The following TNIK variants were observed in gnomAD, a reference collection of about 807,000 sequenced individuals.
TNIK encodes TRAF2 and NCK interacting kinase.
In TNIK, 49 loss-of-function variants were observed where a neutral mutation model predicts 191.3. That is an observed-to-expected ratio of 0.26 (90% CI 0.20 to 0.32). The LOEUF is 0.32. Ranked by LOEUF, TNIK falls within the 10% of genes least tolerant of loss-of-function variation. TNIK has a pLI of 1.00. For missense variants in TNIK, 1,155 were observed against 1,702.3 expected (o/e 0.68, Z 5.66); for synonymous variants, 594 against 600.9 (o/e 0.99, Z 0.17).
At chr3:171,146,911 A>AAG (rs1553836474) in intron 12 of TNIK, among the ~76,000 whole-genome samples, 1,929 of 149,884 alleles carry the variant, frequency 0.013, 65 homozygotes, top group African/African-American at 0.046. Flanking sequence ...AAAAAAAAAA[A>AAG]AAGTGACGAA....
chr3:171,169,479 G>A (rs1452400101), intron 9 of TNIK, among the ~76,000 whole-genome samples: 1 of 152,094 alleles, frequency 6.6e-6, no homozygotes, highest in South Asian at 2.1e-4. Context: ...TGTTGACCAG[G>A]CTGGTCTCAA....
intron 1 of TNIK, among the ~76,000 whole-genome samples, chr3:171,374,810 T>C (rs982166961): frequency 6.6e-6 from 1 of 152,240 alleles, no homozygotes; most frequent in African/African-American, 2.4e-5. Context: ...AGGACTTATG[T>C]GTCAGAAACG....
intron 15 of TNIK, among the ~76,000 whole-genome samples, chr3:171,137,968 C>CAAAAAAAAAAA (rs58897378): frequency 5.2e-4 from 62 of 119,362 alleles, no homozygotes; most frequent in Non-Finnish European, 5.9e-4. Context: ...CAAAGATATA[C>CAAAAAAAAAAA]AAAAAAAAAA....
Position 171,460,265 on chromosome 3 carries a change from T to A in TNIK, c.-202A>T. Reference sequence around the variant, plus strand: ...GTCCGCCGGGTCCGGGAGCCCAGCCTGCGCGGATCTCCAAGCCCCGAGCAG... The same window carrying A: ...GTCCGCCGGGTCCGGGAGCCCAGCCAGCGCGGATCTCCAAGCCCCGAGCAG... On this transcript the variant is annotated 5_prime_UTR_variant, in exon 1 of 33. Coordinates refer to ENST00000436636, the MANE Select transcript of TNIK (RefSeq NM_015028.4). The surrounding 1 kb of genome is among the most constrained non-coding windows in gnomAD (Gnocchi z 6.8). 1 of 648,204 alleles carries A rather than the reference T, an allele frequency of 1.5e-6. No individual in the cohort carries two copies. The highest frequency in any genetic ancestry group is 2.6e-6 in the Non-Finnish European group (1 of 378,644). 40.2% of individuals were successfully genotyped at this position (648,204 alleles called of 1,614,324 possible).
At chr3:171,133,676 AAG>A (rs1377568696) in intron 15 of TNIK, among the ~76,000 whole-genome samples, 3 of 152,176 alleles carry the variant, frequency 2.0e-5, no homozygotes, top group Non-Finnish European at 4.4e-5. Context: ...ATTTAATCAT[AAG>A]AGAGATATGC....
In TNIK at chr3:171,128,887, C is replaced by CAAAAA. The variant is rs59293515; in HGVS notation, c.1609-14_1609-10dup. 0.051 allele frequency: 60,486 copies of CAAAAA among 1,195,266 alleles called. 343 individuals carry two copies. The highest frequency in any genetic ancestry group is 0.058 in the African/African-American group (2,815 of 48,550). 74.0% of individuals were successfully genotyped at this position (1,195,266 alleles called of 1,614,324 possible). On this transcript the variant is annotated splice_polypyrimidine_tract_variant and intron_variant, in intron 15 of 32. Transcript: ENST00000436636. ...CTTGACCGTTCTTCTACCTACAACC[C>CAAAAA]AAAAAAAAAAAAAAAAAAAAGACAG...
chr3:171,093,260 C>A (rs558386277), intron 23 of TNIK, among the ~76,000 whole-genome samples: 1 of 152,168 alleles, frequency 6.6e-6, no homozygotes, highest in Middle Eastern at 3.4e-3. Context: ...ATGTGCCACC[C>A]CCCAAATGAA....
chr3:171,336,823 T>G (rs531406557), intron 2 of TNIK, among the ~76,000 whole-genome samples: 1 of 152,290 alleles, frequency 6.6e-6, no homozygotes, highest in Non-Finnish European at 1.5e-5. Flanking sequence ...CAAAGTGAGG[T>G]AGAAGTAGGG....
intron 6 of TNIK, 67 bp from the exon 7 acceptor site, chr3:171,188,899 T>A: frequency 6.5e-7 from 1 of 1,544,264 alleles, no homozygotes; most frequent in South Asian, 1.2e-5. Flanking sequence ...AAAATGAATG[T>A]GAATTATTTT....
chr3:171,359,900 G>T (rs2108465458), intron 2 of TNIK, among the ~76,000 whole-genome samples: 1 of 152,262 alleles, frequency 6.6e-6, no homozygotes, highest in East Asian at 1.9e-4. Flanking sequence ...AAATAACCCA[G>T]AATAGTAACT....
intron 12 of TNIK, among the ~76,000 whole-genome samples, chr3:171,140,881 G>A (rs1730727931): frequency 1.3e-5 from 2 of 152,134 alleles, no homozygotes; most frequent in Admixed American, 1.3e-4. Flanking sequence ...CAATGCTTAA[G>A]TCATTCAATC....
intron 30 of TNIK, among the ~76,000 whole-genome samples, chr3:171,067,464 A>T (rs1718594459): frequency 6.6e-6 from 1 of 151,928 alleles, no homozygotes; most frequent in Non-Finnish European, 1.5e-5. Context: ...ACGTCAGGAG[A>T]TCGAGACCAT....
chr3:171,337,409 G>C (rs1244515256), intron 2 of TNIK, among the ~76,000 whole-genome samples: 3 of 152,226 alleles, frequency 2.0e-5, no homozygotes, highest in Non-Finnish European at 2.9e-5. Context: ...ATGAGGAAGG[G>C]ACATGAGGTC....
At chr3:171,318,898 C>T (rs571899882) in intron 2 of TNIK, among the ~76,000 whole-genome samples, 2 of 152,210 alleles carry the variant, frequency 1.3e-5, no homozygotes, top group South Asian at 4.2e-4. Flanking sequence ...AGCATGGTGG[C>T]TCATACCTGT....
At chr3:171,149,106 T>C (rs1369357170) in intron 12 of TNIK, among the ~76,000 whole-genome samples, 2 of 152,222 alleles carry the variant, frequency 1.3e-5, no homozygotes, top group Non-Finnish European at 2.9e-5. Flanking sequence ...TAAGATTTCA[T>C]GTGAAACTAT....
chr3:171,198,136 T>G (rs1738932312), intron 4 of TNIK, among the ~76,000 whole-genome samples: 1 of 151,960 alleles, frequency 6.6e-6, no homozygotes, highest in South Asian at 2.1e-4. Flanking sequence ...ACGTAAAACA[T>G]TATGCTAAGT....
intron 2 of TNIK, among the ~76,000 whole-genome samples, chr3:171,274,436 T>C (rs1300325578): frequency 2.0e-5 from 3 of 152,192 alleles, no homozygotes; most frequent in Admixed American, 6.5e-5. Flanking sequence ...ACTGGCTGCA[T>C]AATGAATGAG....
At chr3:171,297,270 A>G (rs1021848691) in intron 2 of TNIK, among the ~76,000 whole-genome samples, 16 of 152,226 alleles carry the variant, frequency 1.1e-4, no homozygotes, top group African/African-American at 3.9e-4. Flanking sequence ...GACTCTTCAA[A>G]ACACAGATGC....
At chr3:171,427,730 G>T (rs1724827818) in intron 1 of TNIK, among the ~76,000 whole-genome samples, 1 of 152,082 alleles carries the variant, frequency 6.6e-6, no homozygotes, top group South Asian at 2.1e-4. Flanking sequence ...CAAAATCAAG[G>T]GAAAGATGGC....
Sources: allele counts gnomAD v4.1 joint callset (sites outside exome capture counted in the v4.1 genomes callset), GRCh38; gene constraint gnomAD v4.1.1; non-coding constraint Gnocchi (gnomAD v3.1); transcripts MANE v1.5; gene names NCBI Gene and HGNC (gene_info 2026-07-23, HGNC 2026-07-21).